Variants in LRP11 observed in about 807,000 individuals in gnomAD.
LRP11 encodes the protein low-density lipoprotein receptor-related protein 11.
LRP11 carries 25 observed loss-of-function variants against 43.1 expected under a neutral mutation model. The ratio of observed to expected loss-of-function variants is 0.58; its 90% CI spans 0.42 to 0.81. LRP11 has a LOEUF of 0.81. Among genes scored for constraint, LRP11 ranks in the 30% least tolerant of loss-of-function variants. LRP11 has a pLI of 0.00. For missense variants in LRP11, 623 were observed against 665.1 expected, an observed-to-expected ratio of 0.94 and a Z score of 0.70; for synonymous variants, 316 against 299.4, an observed-to-expected ratio of 1.06 and a Z score of -0.57.
chr6:149,853,023 C>T lies in LRP11; in HGVS notation c.751G>A (p.Asp251Asn). The part of the protein sequence containing the change: ...VQYEWALLQG[D>N]PSVDMKVPQS... ...GTTACCTTCATGTCCACTGACGGGT[C>T]CCCCTGCAGCAGTGCCCACTCATAC... Residue 251 changes from aspartate to asparagine, a missense_variant, in exon 2 of 7, where the codon GAC becomes AAC. By Grantham distance (23) the Asp-to-Asn change is conservative. Transcript: ENST00000239367. The T allele has an allele frequency of 3.1e-6, 5 of 1,600,950 alleles. No individual in the cohort carries two copies. Among genetic ancestry groups the T allele is most frequent in the Non-Finnish European group, 4.3e-6 (5 of 1,174,722 alleles).
At chr6:149,839,365 G>C (rs1466570171) in intron 3 of LRP11, among the ~76,000 whole-genome samples, 1 of 152,182 alleles carries the variant, frequency 6.6e-6, no homozygotes, top group Non-Finnish European at 1.5e-5. Flanking sequence ...CTGCAGTTAT[G>C]ACTGAGAACA....
At chr6:149,854,530 C>T (rs955636222) in intron 1 of LRP11, among the ~76,000 whole-genome samples, 2 of 152,222 alleles carry the variant, frequency 1.3e-5, no homozygotes, top group African/African-American at 4.8e-5. Flanking sequence ...ACAAAGAAAA[C>T]ATTTCTAAGA....
At position 149,864,214 on chromosome 6, in the gene LRP11, G is replaced by A; in HGVS notation, c.-194C>T. On this transcript the variant is annotated 5_prime_UTR_variant, in exon 1 of 7. Transcript: ENST00000239367. ...GCGCCGGCGGGAACCGCAGTAGCGGGAGACATAGCCGGCCCAGCCGGGCAC... is the reference window on the plus strand; with the variant it reads ...GCGCCGGCGGGAACCGCAGTAGCGGAAGACATAGCCGGCCCAGCCGGGCAC... The A allele has an allele frequency of 4.5e-6, 5 of 1,112,764 alleles. No homozygotes were observed. Among genetic ancestry groups the A allele is most frequent in the South Asian group, 4.4e-5 (1 of 22,478 alleles). The allele number at this position is 1,112,764 out of a possible 1,614,324, so 68.9% of individuals were successfully genotyped here.
At chr6:149,843,753 G>T (rs1776587301) in intron 2 of LRP11, among the ~76,000 whole-genome samples, 1 of 152,126 alleles carries the variant, frequency 6.6e-6, no homozygotes, top group Non-Finnish European at 1.5e-5. Context: ...ACCAGCCACA[G>T]CCCCGCTTCC....
chr6:149,853,024 C>T lies in LRP11; in HGVS notation c.750G>A (p.Gly250=). ...IVQYEWALLQ[G]DPSVDMKVPQ... is the part of the protein sequence containing the mutation. Reference sequence around the variant, plus strand: ...TTACCTTCATGTCCACTGACGGGTCCCCCTGCAGCAGTGCCCACTCATACT... The same window carrying T: ...TTACCTTCATGTCCACTGACGGGTCTCCCTGCAGCAGTGCCCACTCATACT... The change falls in exon 2 of 7, where the codon GGG becomes GGA. Residue 250 remains glycine (G), a synonymous_variant. Coordinates refer to ENST00000239367, the MANE Select transcript of LRP11 (RefSeq NM_032832.6). The T allele has an allele frequency of 1.2e-6, 2 of 1,601,396 alleles. No individual in the cohort carries two copies. The highest frequency in any genetic ancestry group is 8.5e-7 in the Non-Finnish European group (1 of 1,174,864).
intron 5 of LRP11, among the ~76,000 whole-genome samples, chr6:149,832,201 T>G (rs2115379611): frequency 6.7e-6 from 1 of 150,294 alleles, no homozygotes; most frequent in East Asian, 2.0e-4. Context: ...CTTTTTTTTT[T>G]TTTTTTTTGA....
At chr6:149,838,980 A>G (rs760424673) in intron 3 of LRP11, among the ~76,000 whole-genome samples, 2 of 151,982 alleles carry the variant, frequency 1.3e-5, no homozygotes, top group African/African-American at 2.4e-5. Flanking sequence ...GGCAGATTAT[A>G]TGATATTCCT....
At chr6:149,844,315 T>C (rs1452262088) in intron 2 of LRP11, among the ~76,000 whole-genome samples, 1 of 152,186 alleles carries the variant, frequency 6.6e-6, no homozygotes, top group Non-Finnish European at 1.5e-5. Flanking sequence ...GCTGGCCACT[T>C]TGGCTGTTTG....
intron 2 of LRP11, among the ~76,000 whole-genome samples, chr6:149,849,049 G>A (rs931177234): frequency 1.3e-5 from 2 of 152,158 alleles, no homozygotes; most frequent in African/African-American, 4.8e-5. Context: ...CCAGCATCCA[G>A]AACTGAAAGA....
At chr6:149,839,815 C>T (rs4242279) in intron 3 of LRP11, among the ~76,000 whole-genome samples, 64,955 of 152,038 alleles carry the variant, frequency 0.43, 14,815 homozygotes, top group East Asian at 0.81. Context: ...CCACCACATC[C>T]GGCTAGTCCG....
Position 149,820,704 on chromosome 6 carries a change from C to CT in LRP11, c.1349-2dup. ...CCCAGCGCCAGGGGTAGCACTGCAC[C>CT]TTTGAGAAGGTTAGACATGAAGAGG... On this transcript the variant is annotated splice_acceptor_variant, in intron 6 of 6. Transcript: ENST00000239367. 1.3e-6 allele frequency: 1 copy of CT among 780,746 alleles called. No homozygotes were observed. Among genetic ancestry groups the CT allele is most frequent in the Non-Finnish European group, 2.4e-6 (1 of 418,022 alleles). 48.4% of individuals were successfully genotyped at this position (780,746 alleles called of 1,614,324 possible). A position where few individuals can be genotyped will look rare whatever the true frequency, so the allele number is the denominator to read the frequency against.
At chr6:149,862,177 C>A (rs1346070624) in intron 1 of LRP11, among the ~76,000 whole-genome samples, 3 of 152,154 alleles carry the variant, frequency 2.0e-5, no homozygotes, top group Non-Finnish European at 2.9e-5. Flanking sequence ...GATATCTGCT[C>A]CCCTGACAAG....
intron 6 of LRP11, among the ~76,000 whole-genome samples, chr6:149,822,870 A>T (rs1218810559): frequency 1.3e-5 from 2 of 152,146 alleles, no homozygotes; most frequent in Non-Finnish European, 2.9e-5. Context: ...TTTCAGATTG[A>T]GATGCCTATC....
intron 3 of LRP11, among the ~76,000 whole-genome samples, chr6:149,838,956 G>C (rs1441560331): frequency 6.6e-6 from 1 of 152,022 alleles, no homozygotes; most frequent in African/African-American, 2.4e-5. Flanking sequence ...ATTCTCTCAG[G>C]AACATGGGGA....
intron 5 of LRP11, among the ~76,000 whole-genome samples, chr6:149,828,066 C>A (rs1399458668): frequency 6.6e-6 from 1 of 151,776 alleles, no homozygotes; most frequent in Non-Finnish European, 1.5e-5. Flanking sequence ...TGGTGGGCGC[C>A]TGTAATCCCA....
At chr6:149,856,292 A>C (rs545969602) in intron 1 of LRP11, among the ~76,000 whole-genome samples, 2 of 152,348 alleles carry the variant, frequency 1.3e-5, no homozygotes, top group South Asian at 4.1e-4. Flanking sequence ...GAAAAAGATC[A>C]TTTTAGTCAC....
chr6:149,863,432 T>C lies in LRP11; in HGVS notation c.589A>G (p.Thr197Ala), dbSNP rs1025941691. The change falls in exon 1 of 7, where the codon ACC (threonine) becomes GCC (alanine). Residue 197 changes from threonine (T) to alanine (A), a missense_variant. Thr to Ala is a moderately conservative substitution (Grantham distance 58). Coordinates refer to ENST00000239367, the MANE Select transcript of LRP11 (RefSeq NM_032832.6). ...CCCTGCCGGGGCGAGGCGCGCGCGG[T>C]GGCCAGGGCGGCGCCGTCCGGCGCG... Reference protein sequence around the residue: ...SRAPDGAALATARASPRQEKD... With the variant: ...SRAPDGAALAAARASPRQEKD... 3 of 1,309,022 alleles carry C rather than the reference T, an allele frequency of 2.3e-6. No homozygotes were observed. The African/African-American group carries it at 4.6e-5, about 20-fold the overall frequency. 81.1% of individuals were successfully genotyped at this position (1,309,022 alleles called of 1,614,324 possible).
At chr6:149,842,157 C>T (rs1229655339) in intron 3 of LRP11, among the ~76,000 whole-genome samples, 2 of 145,848 alleles carry the variant, frequency 1.4e-5, no homozygotes, top group Non-Finnish European at 3.0e-5. Flanking sequence ...CTCTTTTTCT[C>T]TTTCTAAAAT....
intron 2 of LRP11, among the ~76,000 whole-genome samples, chr6:149,845,962 C>T (rs1286090441): frequency 6.6e-6 from 1 of 152,204 alleles, no homozygotes; most frequent in East Asian, 1.9e-4. Flanking sequence ...CCATGTATCA[C>T]CCTGTCCGCG....
Sources: gnomAD v4.1 joint callset for allele counts (sites outside exome capture counted in the v4.1 genomes callset) on GRCh38, gnomAD v4.1.1 for gene constraint, MANE v1.5 for transcripts, NCBI Gene and HGNC (gene_info 2026-07-23, HGNC 2026-07-21) for gene names.